Variants in CLNS1A observed in about 807,000 individuals in gnomAD.
The protein encoded by CLNS1A is methylosome subunit pICln.
In CLNS1A, 16 loss-of-function variants were observed where a neutral mutation model predicts 29.4. The ratio of observed to expected loss-of-function variants is 0.54; its 90% CI spans 0.37 to 0.83. The LOEUF is 0.83. CLNS1A is among the 40% of genes least tolerant of loss of function. The pLI is 0.00. For synonymous variants in CLNS1A, 96 were observed against 104.8 expected, an observed-to-expected ratio of 0.92 and a Z score of 0.51; for missense variants, 235 against 287.4, an observed-to-expected ratio of 0.82 and a Z score of 1.32.
chr11:77,632,717 T>C (rs1397173728), intron 1 of CLNS1A, among the ~76,000 whole-genome samples: 3 of 152,194 alleles, frequency 2.0e-5, no homozygotes, highest in African/African-American at 7.2e-5. Context: ...TATTCACAGA[T>C]ATTTTTAAAT....
At position 77,637,338 on chromosome 11, in the gene CLNS1A, GAAA is replaced by G. The variant is rs57598480; in HGVS notation, c.125+249_125+251del. ...CAGAGAAAGAGAAAGAGGAAAAAAA[GAAA>G]AAAAAAAAAAAAAAGCACAATCCAT... On this transcript the variant is annotated intron_variant, in intron 1 of 6. Transcript: ENST00000525428. 4.6e-3 allele frequency among the ~76,000 whole-genome samples: 495 copies of G among 107,402 alleles called. 3 individuals are homozygous for G. The highest frequency in any genetic ancestry group is 0.012 in the African/African-American group (356 of 29,408). The allele number at this position is 107,402 out of a possible 152,430, so 70.5% of individuals were successfully genotyped here.
intron 1 of CLNS1A, among the ~76,000 whole-genome samples, chr11:77,630,855 T>C (rs989251196): frequency 3.3e-5 from 5 of 152,218 alleles, no homozygotes; most frequent in Non-Finnish European, 7.3e-5. Context: ...TGTCTGCTAC[T>C]GGGTACCAGG....
At chr11:77,618,963 G>A (rs1165220121) in intron 6 of CLNS1A, among the ~76,000 whole-genome samples, 1 of 152,212 alleles carries the variant, frequency 6.6e-6, no homozygotes, top group Non-Finnish European at 1.5e-5. Context: ...CTCAAAGACT[G>A]GAGGATAGCC....
At chr11:77,629,511 A>T (rs1239541565) in intron 2 of CLNS1A, among the ~76,000 whole-genome samples, 1 of 151,578 alleles carries the variant, frequency 6.6e-6, no homozygotes, top group East Asian at 1.9e-4. Flanking sequence ...CTCCTGCCTC[A>T]GTCTCCTGAG....
intron 3 of CLNS1A, 106 bp from the exon 4 acceptor site, chr11:77,625,176 C>T (rs1959003959): frequency 4.1e-6 from 3 of 731,992 alleles, no homozygotes; most frequent in Middle Eastern, 2.5e-4. Context: ...TTTACAAAAT[C>T]TGCCAAATTG....
intron 1 of CLNS1A, among the ~76,000 whole-genome samples, chr11:77,633,512 T>C (rs1409632585): frequency 6.6e-6 from 1 of 152,200 alleles, no homozygotes; most frequent in South Asian, 2.1e-4. Flanking sequence ...ACAAGAAGAA[T>C]TAGACACAGA....
intron 1 of CLNS1A, among the ~76,000 whole-genome samples, chr11:77,635,781 G>T (rs575272472): frequency 4.6e-5 from 7 of 152,364 alleles, no homozygotes; most frequent in African/African-American, 1.7e-4. Flanking sequence ...AACTAGGAAT[G>T]TATCTGTGCT....
At position 77,637,710 on chromosome 11, in the gene CLNS1A, C is replaced by T. The variant is rs761284042; in HGVS notation, c.5G>A (p.Ser2Asn). The T allele has an allele frequency of 1.9e-6, 3 of 1,556,500 alleles. No homozygotes were observed. The highest frequency in any genetic ancestry group is 2.6e-6 in the Non-Finnish European group (3 of 1,149,802). MSFLKSFPPPGP... is the reference protein window; with the variant it reads MNFLKSFPPPGP... ...AGGCGGCGGGAAACTTTTGAGGAAG[C>T]TCATAGCAGCAGAGTGCGGCAACAC... is the stretch of plus-strand genomic sequence containing the variant. The change falls in exon 1 of 7, where the codon AGC (serine) becomes AAC (asparagine). Residue 2 changes from serine to asparagine, a missense_variant. Coordinates refer to ENST00000525428, the MANE Select transcript of CLNS1A (RefSeq NM_001293.3).
chr11:77,622,664 T>G lies in CLNS1A; in HGVS notation c.482A>C (p.Gln161Pro). The G allele has an allele frequency of 6.3e-7, 1 of 1,591,326 alleles. No individual in the cohort carries two copies. Among genetic ancestry groups the G allele is most frequent in the Admixed American group, 1.9e-5 (1 of 52,694 alleles). Residue 161 changes from glutamine to proline, a missense_variant, in exon 5 of 7, where the codon CAG becomes CCG. Coordinates refer to ENST00000525428, the MANE Select transcript of CLNS1A (RefSeq NM_001293.3). ...EYDVEAHEQGQGDIPTFYTYE... is the reference protein window; with the variant it reads ...EYDVEAHEQGPGDIPTFYTYE... ...GGTGTAAAATGTAGGGATGTCCCCCTGTCCTTGTTCTAAACAAACAGAAAA... is the reference window on the plus strand; with the variant it reads ...GGTGTAAAATGTAGGGATGTCCCCCGGTCCTTGTTCTAAACAAACAGAAAA...
In CLNS1A at chr11:77,633,899, G is replaced by A. The variant is rs1022685161; in HGVS notation, c.125+3691C>T. 2.0e-5 allele frequency among the ~76,000 whole-genome samples: 3 copies of A among 152,070 alleles called. No homozygotes were observed. In the East Asian group the frequency reaches 5.8e-4, roughly 29 times the overall value. On this transcript the variant is annotated intron_variant, in intron 1 of 6. Coordinates refer to ENST00000525428, the MANE Select transcript of CLNS1A (RefSeq NM_001293.3). Reference sequence around the variant, plus strand: ...ATGGATCATCTAAGTTCGGGAGTTTGAGACAAGTCTGACCAACATGGAGAA... The same window carrying A: ...ATGGATCATCTAAGTTCGGGAGTTTAAGACAAGTCTGACCAACATGGAGAA...
intron 5 of CLNS1A, among the ~76,000 whole-genome samples, chr11:77,620,575 G>A (rs1958946894): frequency 6.6e-6 from 1 of 152,142 alleles, no homozygotes; most frequent in Non-Finnish European, 1.5e-5. Context: ...AAGGTGGGTG[G>A]ATCACCTGAG....
intron 1 of CLNS1A, among the ~76,000 whole-genome samples, chr11:77,632,757 T>A (rs1167982106): frequency 6.6e-6 from 1 of 152,156 alleles, no homozygotes; most frequent in East Asian, 1.9e-4. Flanking sequence ...AACAACTTAT[T>A]TTTTCCAACA....
At chr11:77,635,383 ACT>A (rs1427837148) in intron 1 of CLNS1A, among the ~76,000 whole-genome samples, 4 of 143,856 alleles carry the variant, frequency 2.8e-5, no homozygotes, top group Non-Finnish European at 4.5e-5. Flanking sequence ...AGACAGTCTC[ACT>A]CTGTCACCCA....
At chr11:77,632,932 C>A (rs1476465410) in intron 1 of CLNS1A, among the ~76,000 whole-genome samples, 1 of 151,588 alleles carries the variant, frequency 6.6e-6, no homozygotes, top group Non-Finnish European at 1.5e-5. Context: ...ATTAAAAATA[C>A]GAAAATTAGC....
intron 5 of CLNS1A, among the ~76,000 whole-genome samples, chr11:77,620,111 GGGGAGGGAACAA>G (rs1382612192): frequency 9.2e-5 from 14 of 152,076 alleles, no homozygotes; most frequent in Admixed American, 9.2e-4. Context: ...AATAAAAGGT[GGGGAGGGAACAA>G]GAGAAAAAAA....
chr11:77,633,084 CAAAAAAAAAAA>C (rs887085397), intron 1 of CLNS1A, among the ~76,000 whole-genome samples: 2 of 55,606 alleles, frequency 3.6e-5, no homozygotes, highest in African/African-American at 1.3e-4. Context: ...GACTCCATCT[CAAAAAAAAAAA>C]AAAAAAAAAA....
In CLNS1A at chr11:77,625,806, T is replaced by C. The variant is rs1374587025; in HGVS notation, c.275A>G (p.Glu92Gly). ...VNAKFEEESK[E>G]PVADEEEEDS... ...TTCCTCTTCTTCATCAGCAACAGGT[T>C]CTTTTGATTCTTCTAGAAAATAAAA... The change falls in exon 3 of 7, where the codon GAA (glutamate) becomes GGA (glycine). Residue 92 changes from glutamate to glycine, a missense_variant. Transcript: ENST00000525428. 6.4e-7 allele frequency: 1 copy of C among 1,573,094 alleles called. No individual in the cohort carries two copies. Among genetic ancestry groups the C allele is most frequent in the Non-Finnish European group, 8.7e-7 (1 of 1,143,914 alleles).
chr11:77,625,567 A>G lies in CLNS1A; in HGVS notation c.364+150T>C, dbSNP rs556662864. The G allele has an allele frequency of 4.7e-6, 3 of 633,600 alleles. No homozygotes were observed. In the Admixed American group the frequency reaches 1.0e-4, roughly 22 times the overall value. The allele number at this position is 633,600 out of a possible 1,614,324, so 39.2% of individuals were successfully genotyped here. The stretch of plus-strand genomic sequence containing the variant: ...ATTAATAGGTATTTGGTCCTTAATG[A>G]TATTACCAATGCTAAAATAAAGAAA... On this transcript the variant is annotated intron_variant, in intron 3 of 6. Coordinates refer to ENST00000525428, the MANE Select transcript of CLNS1A (RefSeq NM_001293.3).
rs1697372260 is a variant in CLNS1A, at chr11:77,637,738, G to T, written c.-24C>A. 6 of 1,549,556 alleles carry T rather than the reference G, an allele frequency of 3.9e-6. No homozygotes were observed. Among genetic ancestry groups the T allele is most frequent in the Non-Finnish European group, 4.4e-6 (5 of 1,145,902 alleles). On this transcript the variant is annotated 5_prime_UTR_variant, in exon 1 of 7. Coordinates refer to ENST00000525428, the MANE Select transcript of CLNS1A (RefSeq NM_001293.3). ...ATAGCAGCAGAGTGCGGCAACACAG[G>T]CCCTGAGGGAGTTGGAGCACAGCAA...
Sources: gnomAD v4.1 joint callset for allele counts (sites outside exome capture counted in the v4.1 genomes callset) on GRCh38, gnomAD v4.1.1 for gene constraint, MANE v1.5 for transcripts, NCBI Gene and HGNC (gene_info 2026-07-23, HGNC 2026-07-21) for gene names.